The following EDIL3 variants were observed in gnomAD, a reference collection of about 807,000 sequenced individuals.
EDIL3 encodes EGF like and discoidin domains 3, also known as EGF-like repeat and discoidin I-like domain-containing protein 3.
Under a neutral mutation model 67.4 loss-of-function variants are expected in EDIL3, and 37 were observed. That is an observed-to-expected ratio of 0.55 (90% confidence interval 0.42 to 0.72). EDIL3 has a LOEUF of 0.72. Among genes scored for constraint, EDIL3 ranks in the 30% least tolerant of loss-of-function variants. EDIL3 has a pLI of 0.00. For missense variants in EDIL3, 527 were observed against 586.3 expected, an observed-to-expected ratio of 0.90 and a Z score of 1.04; for synonymous variants, 195 against 196.3, an observed-to-expected ratio of 0.99 and a Z score of 0.05.
intron 10 of EDIL3, among the ~76,000 whole-genome samples, chr5:83,956,837 T>G (rs1744521029): frequency 6.6e-6 from 1 of 151,706 alleles, no homozygotes; most frequent in Non-Finnish European, 1.5e-5. Context: ...ATGTACCCCA[T>G]AAATATACAT....
chr5:84,196,233 C>T (rs968851781), intron 3 of EDIL3, among the ~76,000 whole-genome samples: 1 of 151,964 alleles, frequency 6.6e-6, no homozygotes, highest in Admixed American at 6.6e-5. Context: ...GTCCTTGTTG[C>T]TATGATGAAC....
At chr5:83,966,231 A>G (rs766955459) in intron 9 of EDIL3, among the ~76,000 whole-genome samples, 1 of 152,104 alleles carries the variant, frequency 6.6e-6, no homozygotes, top group African/African-American at 2.4e-5. Context: ...GCTCATGGGT[A>G]GACATTTGGC....
chr5:84,221,646 A>AT (rs1420515386), intron 3 of EDIL3, among the ~76,000 whole-genome samples: 30 of 151,962 alleles, frequency 2.0e-4, no homozygotes, highest in East Asian at 9.7e-4. Flanking sequence ...AGAAGCAGTG[A>AT]TTGTTTTTTC....
At chr5:84,068,964 C>A (rs1326475023) in intron 6 of EDIL3, among the ~76,000 whole-genome samples, 1 of 152,118 alleles carries the variant, frequency 6.6e-6, no homozygotes, top group Non-Finnish European at 1.5e-5. Context: ...CAAGTAATTC[C>A]TTTCCATCCC....
intron 9 of EDIL3, among the ~76,000 whole-genome samples, chr5:83,967,320 CAAAATAAAT>C (rs1744708012): frequency 6.6e-6 from 1 of 151,908 alleles, no homozygotes; most frequent in Non-Finnish European, 1.5e-5. Context: ...GACATCATCT[CAAAATAAAT>C]AAAATAAATA....
At chr5:84,183,839 C>T (rs1165452238) in intron 3 of EDIL3, among the ~76,000 whole-genome samples, 1 of 152,182 alleles carries the variant, frequency 6.6e-6, no homozygotes, top group East Asian at 1.9e-4. Flanking sequence ...GGTGCGGTGG[C>T]TCACGCCTGT....
intron 6 of EDIL3, among the ~76,000 whole-genome samples, chr5:84,092,614 A>G (rs1747186926): frequency 6.6e-6 from 1 of 152,158 alleles, no homozygotes; most frequent in Admixed American, 6.5e-5. Context: ...CAAATTTCAT[A>G]AGCTATAAAT....
rs962912478 is a variant in EDIL3, at chr5:84,088,288, A to C, written c.651+18361T>G. 8.5e-5 allele frequency among the ~76,000 whole-genome samples: 13 copies of C among 152,354 alleles called. No homozygotes were observed. In the East Asian group the frequency reaches 2.3e-3, roughly 27 times the overall value. On this transcript the variant is annotated intron_variant, in intron 6 of 10. Coordinates refer to ENST00000296591, the MANE Select transcript of EDIL3 (RefSeq NM_005711.5). ...ATAATGCATTGATGTTTCAAAATTT[A>C]TGTACATCTTTCCAAATCCAGGCTA...
Position 83,989,157 on chromosome 5 carries a change from G to T in EDIL3, c.1138-25797C>A, listed in dbSNP as rs115177431. ...GGTTCCTCAGAAATGTAAACTCTGG[G>T]AACTAAGCCTATGGCAAAATATAAT... is the stretch of plus-strand genomic sequence containing the variant. On this transcript the variant is annotated intron_variant, in intron 9 of 10. Coordinates refer to ENST00000296591, the MANE Select transcript of EDIL3 (RefSeq NM_005711.5). 6.2e-3 allele frequency among the ~76,000 whole-genome samples: 940 copies of T among 152,226 alleles called. 7 individuals carry two copies. Among genetic ancestry groups the T allele is most frequent in the African/African-American group, 0.021 (879 of 41,532 alleles).
chr5:83,975,172 A>G (rs979622671), intron 9 of EDIL3, among the ~76,000 whole-genome samples: 7 of 152,038 alleles, frequency 4.6e-5, no homozygotes, highest in Non-Finnish European at 1.0e-4. Context: ...CATGTGAGCA[A>G]TAAGATGCTT....
intron 1 of EDIL3, among the ~76,000 whole-genome samples, chr5:84,369,435 A>T (rs1747801534): frequency 6.6e-6 from 1 of 152,138 alleles, no homozygotes; most frequent in South Asian, 2.1e-4. Context: ...GTATGCTACA[A>T]AACAAATGAA....
At chr5:84,320,739 C>A (rs2112155228) in intron 1 of EDIL3, among the ~76,000 whole-genome samples, 1 of 152,266 alleles carries the variant, frequency 6.6e-6, no homozygotes, top group African/African-American at 2.4e-5. Context: ...TGCAACTGTT[C>A]TGGTTCCAAG....
intron 1 of EDIL3, among the ~76,000 whole-genome samples, chr5:84,333,182 A>G (rs1371989544): frequency 6.6e-6 from 1 of 152,164 alleles, no homozygotes; most frequent in Non-Finnish European, 1.5e-5. Context: ...GAAGATTAAT[A>G]ATTACATACA....
At chr5:84,310,388 C>T (rs1183529407) in intron 1 of EDIL3, among the ~76,000 whole-genome samples, 1 of 152,136 alleles carries the variant, frequency 6.6e-6, no homozygotes, top group Non-Finnish European at 1.5e-5. Flanking sequence ...GCCCTGCTGT[C>T]ATTATGTTAA....
At chr5:84,206,723 G>A (rs1743987595) in intron 3 of EDIL3, among the ~76,000 whole-genome samples, 3 of 151,992 alleles carry the variant, frequency 2.0e-5, no homozygotes, top group South Asian at 4.2e-4. Flanking sequence ...TCATCCCTGG[G>A]ATGCAAGACT....
At chr5:84,269,592 A>C (rs1005132335) in intron 1 of EDIL3, among the ~76,000 whole-genome samples, 1 of 152,152 alleles carries the variant, frequency 6.6e-6, no homozygotes, top group Non-Finnish European at 1.5e-5. Flanking sequence ...CCACAATAGT[A>C]ATTTTGCAAG....
At chr5:84,005,085 C>A (rs1454483604) in intron 9 of EDIL3, among the ~76,000 whole-genome samples, 1 of 151,938 alleles carries the variant, frequency 6.6e-6, no homozygotes, top group Non-Finnish European at 1.5e-5. Context: ...ACTAGAAAAC[C>A]TAGAAGGAAT....
At chr5:84,102,319 C>T (rs1420384076) in intron 6 of EDIL3, among the ~76,000 whole-genome samples, 2 of 151,924 alleles carry the variant, frequency 1.3e-5, no homozygotes, top group East Asian at 3.9e-4. Flanking sequence ...CTGGCCAGGG[C>T]AATCAGGCAA....
chr5:84,215,616 A>C (rs1744213156), intron 3 of EDIL3, among the ~76,000 whole-genome samples: 1 of 152,210 alleles, frequency 6.6e-6, no homozygotes, highest in South Asian at 2.1e-4. Flanking sequence ...AGACTGACAA[A>C]GTGGAGAATG....
Sources: gnomAD v4.1 joint callset for allele counts (sites outside exome capture counted in the v4.1 genomes callset) on GRCh38, gnomAD v4.1.1 for gene constraint, MANE v1.5 for transcripts, NCBI Gene and HGNC (gene_info 2026-07-23, HGNC 2026-07-21) for gene names.